TWIST2: variants seen among roughly 807,000 people sequenced by gnomAD.
The protein encoded by TWIST2 is twist family bHLH transcription factor 2.
In TWIST2, 1 loss-of-function variant was observed where a neutral mutation model predicts 11.6. The ratio of observed to expected loss-of-function variants is 0.09; its 90% confidence interval spans 0.03 to 0.41. TWIST2 has a LOEUF of 0.41. TWIST2 is among the 10% of genes least tolerant of loss of function. The pLI, the probability that TWIST2 is intolerant of heterozygous loss-of-function variation, is 0.98. For synonymous variants in TWIST2, 87 were observed against 96.6 expected (o/e 0.90, Z 0.58); for missense variants, 168 against 226.4 (o/e 0.74, Z 1.66).
In TWIST2 at chr2:238,848,744, C is replaced by G; in HGVS notation, c.*35+11C>G. 7.4e-7 allele frequency: 1 copy of G among 1,350,946 alleles called. No individual in the cohort carries two copies. Among genetic ancestry groups the G allele is most frequent in the Non-Finnish European group, 9.4e-7 (1 of 1,058,480 alleles). The allele number at this position is 1,350,946 out of a possible 1,614,324, so 83.7% of individuals were successfully genotyped here. On this transcript the variant is annotated intron_variant, in intron 1 of 1. Transcript: ENST00000612363. ...GACCGGCGCGCCAGGGTAGGTGCTGCGCGCGCGACGGGCGCCCTCCGCTGC... is the reference window on the plus strand; with the variant it reads ...GACCGGCGCGCCAGGGTAGGTGCTGGGCGCGCGACGGGCGCCCTCCGCTGC...
At chr2:238,907,633 G>C (rs1693374765) in intron 1 of TWIST2, among the ~76,000 whole-genome samples, 1 of 151,884 alleles carries the variant, frequency 6.6e-6, no homozygotes, top group Non-Finnish European at 1.5e-5. Context: ...TGATCATAGT[G>C]GGGGGTGCAA....
chr2:238,875,315 G>T (rs906933102), intron 1 of TWIST2, among the ~76,000 whole-genome samples: 1 of 151,840 alleles, frequency 6.6e-6, no homozygotes. Context: ...AGAAGGTGCA[G>T]CTGTGGGTCT....
At chr2:238,905,347 C>T (rs1050356666) in intron 1 of TWIST2, among the ~76,000 whole-genome samples, 15 of 152,214 alleles carry the variant, frequency 9.9e-5, no homozygotes, top group Admixed American at 3.3e-4. Context: ...CACGCATGCA[C>T]ACAGTTCCAG....
intron 1 of TWIST2, among the ~76,000 whole-genome samples, chr2:238,891,025 C>G (rs538082110): frequency 6.6e-6 from 1 of 152,216 alleles, no homozygotes. Flanking sequence ...TCGGATCCCC[C>G]GAGCTTCGGC....
chr2:238,893,583 G>A (rs1165142319), intron 1 of TWIST2, among the ~76,000 whole-genome samples: 2 of 152,150 alleles, frequency 1.3e-5, no homozygotes, highest in Non-Finnish European at 2.9e-5. Flanking sequence ...TCTGAGCAGA[G>A]TGGCTTCCTG....
At chr2:238,851,527 C>G (rs998550212) in intron 1 of TWIST2, among the ~76,000 whole-genome samples, 1 of 152,130 alleles carries the variant, frequency 6.6e-6, no homozygotes, top group Admixed American at 6.6e-5. Context: ...TCTCTAACTT[C>G]TGCATAGTGT....
intron 1 of TWIST2, among the ~76,000 whole-genome samples, chr2:238,854,388 G>A (rs988023576): frequency 6.6e-6 from 1 of 152,100 alleles, no homozygotes; most frequent in Non-Finnish European, 1.5e-5. Flanking sequence ...TGCGACTGAC[G>A]GGAAAGATTT....
At chr2:238,879,359 C>T (rs1215696232) in intron 1 of TWIST2, among the ~76,000 whole-genome samples, 1 of 152,188 alleles carries the variant, frequency 6.6e-6, no homozygotes, top group Non-Finnish European at 1.5e-5. Context: ...CTGGTTTCCT[C>T]TGGTTCTCCA....
chr2:238,904,536 C>A (rs1402688834), intron 1 of TWIST2, among the ~76,000 whole-genome samples: 2 of 151,744 alleles, frequency 1.3e-5, no homozygotes, highest in Non-Finnish European at 2.9e-5. Flanking sequence ...ACCTCCCACC[C>A]TTCTTCCCTG....
rs1169730673 is a variant in TWIST2, at chr2:238,895,111, TGCTGCCACTGCC to T, written c.*36-14720_*36-14709del. Among the ~76,000 whole-genome samples the T allele has an allele frequency of 1.5e-4, 23 of 152,356 alleles. No individual in the cohort carries two copies. In the East Asian group the frequency reaches 4.3e-3, roughly 28 times the overall value. ...CGTTCGCTGCTGCTGCTGTTGCTGC[TGCTGCCACTGCC>T]GCTGCCACTGAGAAGGCTGTGTCTT... is the stretch of plus-strand genomic sequence containing the variant. On this transcript the variant is annotated intron_variant, in intron 1 of 1. Coordinates refer to ENST00000612363, the MANE Select transcript of TWIST2 (RefSeq NM_001271893.4).
At chr2:238,899,349 G>A (rs1489051382) in intron 1 of TWIST2, among the ~76,000 whole-genome samples, 5 of 152,240 alleles carry the variant, frequency 3.3e-5, no homozygotes, top group East Asian at 1.9e-4. Flanking sequence ...TTCTCATGGC[G>A]ACATGTGTGT....
rs1490608453 is a variant in TWIST2, at chr2:238,900,391, C to T, written c.*36-9451C>T. 2.0e-5 allele frequency among the ~76,000 whole-genome samples: 3 copies of T among 152,176 alleles called. No homozygotes were observed. The East Asian group carries it at 5.8e-4, about 29-fold the overall frequency. On this transcript the variant is annotated intron_variant, in intron 1 of 1. Coordinates refer to ENST00000612363, the MANE Select transcript of TWIST2 (RefSeq NM_001271893.4). ...GGTTGCACACCCCCTGGACTCCTGC[C>T]CCCAGTTGACTGTGGGCCTCTCAAG...
At chr2:238,849,210 A>G (rs2106346310) in intron 1 of TWIST2, among the ~76,000 whole-genome samples, 1 of 152,270 alleles carries the variant, frequency 6.6e-6, no homozygotes, top group South Asian at 2.1e-4. Flanking sequence ...TTCCTGGGCA[A>G]GGGTAGAGCG....
intron 1 of TWIST2, among the ~76,000 whole-genome samples, chr2:238,901,284 C>T (rs1693266430): frequency 6.6e-6 from 1 of 152,186 alleles, no homozygotes; most frequent in Non-Finnish European, 1.5e-5. Context: ...CCTCCTTTGC[C>T]TTTTGCTCAG....
rs1030780621 is a variant in TWIST2, at chr2:238,883,933, G to A, written c.*36-25909G>A. Among the ~76,000 whole-genome samples the A allele has an allele frequency of 3.3e-5, 5 of 152,134 alleles. No individual in the cohort carries two copies. In the East Asian group the frequency reaches 5.8e-4, roughly 18 times the overall value. On this transcript the variant is annotated intron_variant, in intron 1 of 1. Transcript: ENST00000612363. Reference sequence around the variant, plus strand: ...CTGGGTGAAGCCGGAGTCGTGAGCCGCGCTGTGGTTTCCGTCCTTCCTTCT... The same window carrying A: ...CTGGGTGAAGCCGGAGTCGTGAGCCACGCTGTGGTTTCCGTCCTTCCTTCT...
chr2:238,907,661 G>A (rs957695345), intron 1 of TWIST2, among the ~76,000 whole-genome samples: 1 of 151,786 alleles, frequency 6.6e-6, no homozygotes, highest in Admixed American at 6.6e-5. Context: ...CACGCATGAT[G>A]AAACTGCAGG....
intron 1 of TWIST2, among the ~76,000 whole-genome samples, chr2:238,868,677 G>A (rs1241350495): frequency 6.6e-6 from 1 of 152,248 alleles, no homozygotes; most frequent in Non-Finnish European, 1.5e-5. Context: ...GTTGGTGACT[G>A]TCCGTGATCA....
intron 1 of TWIST2, among the ~76,000 whole-genome samples, chr2:238,907,314 C>A (rs1693369119): frequency 6.6e-6 from 1 of 152,224 alleles, no homozygotes; most frequent in Admixed American, 6.5e-5. Flanking sequence ...CTGGCCCCGG[C>A]CACCTCTCAG....
At chr2:238,878,189 C>A (rs934686980) in intron 1 of TWIST2, among the ~76,000 whole-genome samples, 2 of 152,170 alleles carry the variant, frequency 1.3e-5, no homozygotes, top group Non-Finnish European at 2.9e-5. Context: ...CCCTCTCCCC[C>A]ACTGTACCCC....
Sources: allele counts gnomAD v4.1 joint callset (sites outside exome capture counted in the v4.1 genomes callset), GRCh38; gene constraint gnomAD v4.1.1; transcripts MANE v1.5; gene names NCBI Gene and HGNC (gene_info 2026-07-23, HGNC 2026-07-21).